Variants in SOX5 observed in about 807,000 individuals in gnomAD.
SOX5 encodes the protein SRY-box transcription factor 5.
A neutral mutation model predicts 92.0 loss-of-function variants in SOX5; 9 were observed. That is an observed-to-expected ratio of 0.10 (90% CI 0.06 to 0.17). The LOEUF (loss-of-function observed/expected upper bound fraction) is 0.17. Among genes scored for constraint, SOX5 ranks in the 10% least tolerant of loss-of-function variants. SOX5 has a pLI of 1.00. For missense variants in SOX5, 642 were observed against 944.5 expected, an observed-to-expected ratio of 0.68 and a Z score of 4.20; for synonymous variants, 344 against 336.3, an observed-to-expected ratio of 1.02 and a Z score of -0.25.
At chr12:23,824,936 TC>T (rs1672703106) in intron 3 of SOX5, among the ~76,000 whole-genome samples, 1 of 152,116 alleles carries the variant, frequency 6.6e-6, no homozygotes, top group South Asian at 2.1e-4. Context: ...CAGATGCCCC[TC>T]CCCTCACCCA....
intron 3 of SOX5, among the ~76,000 whole-genome samples, chr12:23,770,199 C>T (rs2094884654): frequency 1.3e-5 from 2 of 151,850 alleles, no homozygotes; most frequent in Non-Finnish European, 1.5e-5. Context: ...AAACTCACCT[C>T]TTCCCTCCTG....
intron 2 of SOX5, among the ~76,000 whole-genome samples, chr12:23,864,470 T>G (rs1221017958): frequency 6.6e-6 from 1 of 152,166 alleles, no homozygotes; most frequent in Non-Finnish European, 1.5e-5. Context: ...TCTTGCACCA[T>G]AGTTAGCCAA....
At chr12:24,015,284 A>G (rs139013077) in intron 4 of SOX5, among the ~76,000 whole-genome samples, 4 of 152,164 alleles carry the variant, frequency 2.6e-5, no homozygotes, top group Admixed American at 2.0e-4. Flanking sequence ...TCTTTTCACA[A>G]AAAAGCCAGC....
chr12:23,688,161 A>C (rs1051747492), intron 6 of SOX5, among the ~76,000 whole-genome samples: 12 of 152,178 alleles, frequency 7.9e-5, no homozygotes, highest in African/African-American at 2.6e-4. Context: ...TGTGAAATAG[A>C]ATGGCCTGAC....
intron 2 of SOX5, among the ~76,000 whole-genome samples, chr12:23,865,201 C>T (rs1344100688): frequency 6.6e-6 from 1 of 152,170 alleles, no homozygotes; most frequent in Non-Finnish European, 1.5e-5. Flanking sequence ...AGACCTACTT[C>T]ACAAAAAGAG....
chr12:24,141,885 G>A (rs1321746588), intron 4 of SOX5, among the ~76,000 whole-genome samples: 1 of 151,916 alleles, frequency 6.6e-6, no homozygotes, highest in Non-Finnish European at 1.5e-5. Context: ...ATTAATCGCT[G>A]GCTGAATCAT....
intron 12 of SOX5, among the ~76,000 whole-genome samples, chr12:23,544,044 C>A (rs1265840274): frequency 6.6e-6 from 1 of 152,178 alleles, no homozygotes; most frequent in African/African-American, 2.4e-5. Context: ...AACAAATGAA[C>A]AGTTACATTC....
At chr12:23,964,800 T>C (rs777825723) in intron 4 of SOX5, among the ~76,000 whole-genome samples, 1 of 152,240 alleles carries the variant, frequency 6.6e-6, no homozygotes, top group Non-Finnish European at 1.5e-5. Flanking sequence ...TATATGGGCA[T>C]CTGATTATAC....
chr12:23,994,058 G>A (rs781306728), intron 4 of SOX5, among the ~76,000 whole-genome samples: 1 of 152,046 alleles, frequency 6.6e-6, no homozygotes, highest in Non-Finnish European at 1.5e-5. Context: ...AGGCTGCAAT[G>A]AGCCATGATC....
intron 3 of SOX5, among the ~76,000 whole-genome samples, chr12:24,263,817 T>A (rs935656302): frequency 1.3e-5 from 2 of 152,180 alleles, no homozygotes; most frequent in African/African-American, 4.8e-5. Context: ...AACTGGAAGT[T>A]CCTCAAAGAA....
At chr12:23,542,033 C>T (rs1441333080) in intron 13 of SOX5, among the ~76,000 whole-genome samples, 7 of 152,132 alleles carry the variant, frequency 4.6e-5, no homozygotes, top group Non-Finnish European at 8.8e-5. Flanking sequence ...TTGCTTGAAC[C>T]CGGGAGGCGG....
upstream of SOX5, among the ~76,000 whole-genome samples, chr12:23,950,262 G>GCA (rs111520694): frequency 8.4e-3 from 1,246 of 148,234 alleles, 12 homozygotes; most frequent in African/African-American, 0.027. Flanking sequence ...GGAAATACAC[G>GCA]CACACACACA....
intron 4 of SOX5, among the ~76,000 whole-genome samples, chr12:24,056,832 G>A (rs1958159999): frequency 1.3e-5 from 2 of 149,578 alleles, no homozygotes; most frequent in African/African-American, 2.5e-5. Flanking sequence ...AAAATTAGCC[G>A]GGCGTAGTGG....
intron 2 of SOX5, among the ~76,000 whole-genome samples, chr12:23,868,290 T>C (rs1182863051): frequency 1.3e-5 from 2 of 152,172 alleles, no homozygotes; most frequent in African/African-American, 4.8e-5. Flanking sequence ...TTCTTTCTGC[T>C]GATTACTCCA....
At chr12:23,862,822 C>T (rs905759153) in intron 2 of SOX5, among the ~76,000 whole-genome samples, 3 of 152,138 alleles carry the variant, frequency 2.0e-5, no homozygotes, top group South Asian at 2.1e-4. Context: ...GTAAATGTGG[C>T]ATATGTTTGT....
chr12:23,831,285 A>G (rs1213738218), intron 3 of SOX5, among the ~76,000 whole-genome samples: 1 of 152,194 alleles, frequency 6.6e-6, no homozygotes, highest in East Asian at 1.9e-4. Context: ...TTCAAGTTTT[A>G]AAAGGATAAA....
At chr12:24,202,936 T>G (rs1036065204) in intron 4 of SOX5, among the ~76,000 whole-genome samples, 3 of 152,180 alleles carry the variant, frequency 2.0e-5, no homozygotes, top group African/African-American at 7.2e-5. Flanking sequence ...AGAGGAGATA[T>G]GTTGATACTC....
At chr12:24,534,328 C>G (rs1276434124) in intron 1 of SOX5, among the ~76,000 whole-genome samples, 3 of 151,740 alleles carry the variant, frequency 2.0e-5, no homozygotes, top group African/African-American at 7.3e-5. Context: ...AGTGACCAAA[C>G]TCTTAGACCA....
Position 24,426,202 on chromosome 12 carries a change from A to AAAAC in SOX5, c.-250-57567_-250-57564dup, listed in dbSNP as rs555590436. Among the ~76,000 whole-genome samples the AAAAC allele has an allele frequency of 7.4e-3, 1,129 of 151,944 alleles. 16 individuals are homozygous for AAAAC. Among genetic ancestry groups the AAAAC allele is most frequent in the African/African-American group, 0.026 (1,083 of 41,360 alleles). The stretch of plus-strand genomic sequence containing the variant: ...GGGATAGAGCAAGACTCTTGTCTCA[A>AAAAC]AAACAAACAAACAAACAAACAAAAA... On this transcript the variant is annotated intron_variant, in intron 1 of 4. Transcript: ENST00000446891.
Sources: gnomAD v4.1 joint callset for allele counts (sites outside exome capture counted in the v4.1 genomes callset) on GRCh38, gnomAD v4.1.1 for gene constraint, MANE v1.5 for transcripts, NCBI Gene and HGNC (gene_info 2026-07-23, HGNC 2026-07-21) for gene names.